Variants in KAT6A observed in about 807,000 individuals in gnomAD.
KAT6A encodes the protein histone acetyltransferase KAT6A.
KAT6A carries 9 observed loss-of-function variants against 198.4 expected under a neutral mutation model. That is an observed-to-expected ratio of 0.05 (90% CI 0.03 to 0.08). KAT6A has a LOEUF of 0.08. Among genes scored for constraint, KAT6A ranks in the 10% least tolerant of loss-of-function variants. The pLI is 1.00. For synonymous variants in KAT6A, 890 were observed against 883.0 expected, an observed-to-expected ratio of 1.01 and a Z score of -0.14; for missense variants, 2,077 against 2,509.9, an observed-to-expected ratio of 0.83 and a Z score of 3.69.
chr8:42,041,500 G>A (rs1655848691), intron 2 of KAT6A, among the ~76,000 whole-genome samples: 1 of 152,244 alleles, frequency 6.6e-6, no homozygotes, highest in Admixed American at 6.5e-5. Flanking sequence ...ACTTTGGGAG[G>A]CGGAGGTGGG....
chr8:41,994,785 CG>C (rs1483504481), intron 2 of KAT6A, among the ~76,000 whole-genome samples: 1 of 152,026 alleles, frequency 6.6e-6, no homozygotes, highest in Non-Finnish European at 1.5e-5. Context: ...AGGCTGGGCA[CG>C]GTGGCTCACA....
At chr8:41,957,168 C>T in intron 8 of KAT6A, 2 of 594,694 alleles carry the variant, frequency 3.4e-6, no homozygotes, top group South Asian at 2.8e-5. Context: ...CACATCACCA[C>T]AACTGCGCAC....
chr8:42,001,255 T>C (rs191595938), intron 2 of KAT6A, among the ~76,000 whole-genome samples: 27 of 152,308 alleles, frequency 1.8e-4, no homozygotes, highest in Admixed American at 2.6e-4. Flanking sequence ...GGGGAAAAGA[T>C]AGACAAAAAT....
chr8:41,996,583 A>G (rs10958705), intron 2 of KAT6A, among the ~76,000 whole-genome samples: 105,320 of 152,048 alleles, frequency 0.69, 37,138 homozygotes, highest in African/African-American at 0.84. Flanking sequence ...TGAGGGCTCC[A>G]CCCTCATGAC....
chr8:42,048,301 A>G (rs1802417041), intron 2 of KAT6A, 77 bp downstream of exon 2: 2 of 1,518,672 alleles, frequency 1.3e-6, no homozygotes, highest in Non-Finnish European at 8.9e-7. Flanking sequence ...AAACTTGAAT[A>G]TAACTTCCCA....
At chr8:41,944,084 A>G in intron 12 of KAT6A, 105 bp from the exon 13 acceptor site, 1 of 712,918 alleles carries the variant, frequency 1.4e-6, no homozygotes, top group Non-Finnish European at 2.3e-6. Flanking sequence ...ATAACTCCAA[A>G]GGTAAATTCC....
chr8:42,007,395 A>T (rs1043549154), intron 2 of KAT6A, among the ~76,000 whole-genome samples: 1 of 152,220 alleles, frequency 6.6e-6, no homozygotes, highest in Non-Finnish European at 1.5e-5. Context: ...AGTCTCTTTC[A>T]GTTCTTAATT....
rs778510932 is a variant in KAT6A, at chr8:42,048,974, C to G, written c.4G>C (p.Val2Leu). M[V>L]KLANPLYTEW... ...GTATAAAGCGGGTTTGCGAGTTTTA[C>G]CATGGTGAAGGATTCTGTATATCCA... Residue 2 changes from valine (V) to leucine (L), a missense_variant, in exon 2 of 17, where the codon GTA (valine) becomes CTA (leucine). Around this residue, in one of 13 missense-constraint regions of KAT6A, gnomAD observed 35 missense variants for 76.6 expected, o/e 0.46. Transcript: ENST00000265713. 7 of 1,611,344 alleles carry G rather than the reference C, an allele frequency of 4.3e-6. No homozygotes were observed. The highest frequency in any genetic ancestry group is 5.9e-6 in the Non-Finnish European group (7 of 1,179,176).
chr8:42,013,040 T>C (rs1203299139), intron 2 of KAT6A, among the ~76,000 whole-genome samples: 5 of 151,492 alleles, frequency 3.3e-5, no homozygotes, highest in East Asian at 1.9e-4. Context: ...TTTGCCAGGG[T>C]TGGGGGAGGG....
intron 2 of KAT6A, among the ~76,000 whole-genome samples, chr8:41,988,871 T>G (rs1824762468): frequency 6.6e-6 from 1 of 152,214 alleles, no homozygotes; most frequent in African/African-American, 2.4e-5. Context: ...TGCTAGGCAC[T>G]GTGCAGGATG....
At chr8:42,037,889 CATAAAGACCA>C (rs1460852902) in intron 2 of KAT6A, among the ~76,000 whole-genome samples, 2 of 152,064 alleles carry the variant, frequency 1.3e-5, no homozygotes, top group South Asian at 2.1e-4. Context: ...AAGTGTTAGT[CATAAAGACCA>C]ATAAAGACAA....
At chr8:41,955,209 G>A in intron 9 of KAT6A, 87 bp downstream of exon 9, 1 of 827,256 alleles carries the variant, frequency 1.2e-6, no homozygotes, top group Non-Finnish European at 2.1e-6. Flanking sequence ...TAAAGGATAA[G>A]GTGGACTCAA....
In KAT6A at chr8:42,034,683, C is replaced by T. The variant is rs574568915; in HGVS notation, c.600+13695G>A. On this transcript the variant is annotated intron_variant, in intron 2 of 16. Transcript: ENST00000265713. The stretch of plus-strand genomic sequence containing the variant: ...TTATAACTAAATAAAATTTAAAATT[C>T]AGCTCCTCACTCAACTGGCCATATT... Among the ~76,000 whole-genome samples, 3 of 152,240 alleles carry T rather than the reference C, an allele frequency of 2.0e-5. No homozygotes were observed. In the South Asian group the frequency reaches 6.2e-4, roughly 32 times the overall value.
chr8:42,007,549 A>G (rs545449564), intron 2 of KAT6A, among the ~76,000 whole-genome samples: 25 of 152,332 alleles, frequency 1.6e-4, no homozygotes, highest in African/African-American at 6.0e-4. Context: ...ACTGAGTTCT[A>G]TAAGGCACTA....
At chr8:41,951,093 A>G (rs1822648089) in intron 9 of KAT6A, among the ~76,000 whole-genome samples, 2 of 152,066 alleles carry the variant, frequency 1.3e-5, no homozygotes, top group African/African-American at 4.8e-5. Context: ...GAAAATTACT[A>G]TCAAGTCTTC....
At chr8:42,035,286 T>C (rs1019817818) in intron 2 of KAT6A, among the ~76,000 whole-genome samples, 2 of 152,124 alleles carry the variant, frequency 1.3e-5, no homozygotes, top group Non-Finnish European at 2.9e-5. Flanking sequence ...CTGTAAGAAA[T>C]GACAGCCGGT....
intron 3 of KAT6A, among the ~76,000 whole-genome samples, chr8:41,986,379 T>G (rs796932927): frequency 2.0e-5 from 3 of 152,332 alleles, no homozygotes; most frequent in African/African-American, 7.2e-5. Context: ...CAATGTGACA[T>G]ATGTAAGTTT....
chr8:42,036,611 T>G lies in KAT6A; in HGVS notation c.600+11767A>C, dbSNP rs796220245. On this transcript the variant is annotated intron_variant, in intron 2 of 16. Coordinates refer to ENST00000265713, the MANE Select transcript of KAT6A (RefSeq NM_006766.5). Reference sequence around the variant, plus strand: ...CTGGGTGACAGAGCAAGACTCCAACTCAAAAAAAAAAGGAGAAGGTGGTAA... The same window carrying G: ...CTGGGTGACAGAGCAAGACTCCAACGCAAAAAAAAAAGGAGAAGGTGGTAA... Among the ~76,000 whole-genome samples, 17 of 149,924 alleles carry G rather than the reference T, an allele frequency of 1.1e-4. No homozygotes were observed. The East Asian group carries it at 1.4e-3, about 12-fold the overall frequency.
chr8:41,943,926 A>T lies in KAT6A; in HGVS notation c.2050T>A (p.Ser684Thr). The T allele has an allele frequency of 6.2e-7, 1 of 1,614,100 alleles. No individual in the cohort carries two copies. Among genetic ancestry groups the T allele is most frequent in the African/African-American group, 1.3e-5 (1 of 75,010 alleles). The stretch of plus-strand genomic sequence containing the variant: ...ATGTAGGAAAGACGACCCAGATCAG[A>T]TAACGGTTTCTCTGGAGACCCTGCT... ...GQAGSPEKPL[S>T]DLGRLSYMAY... Residue 684 changes from serine (S) to threonine (T), a missense_variant, in exon 13 of 17, where the codon TCT (serine) becomes ACT (threonine). Physicochemically the swap from Ser to Thr is moderately conservative, Grantham distance 58. Coordinates refer to ENST00000265713, the MANE Select transcript of KAT6A (RefSeq NM_006766.5).
Sources: allele counts gnomAD v4.1 joint callset (sites outside exome capture counted in the v4.1 genomes callset), GRCh38; gene constraint gnomAD v4.1.1; regional missense constraint gnomAD v4.1.1; transcripts MANE v1.5; gene names NCBI Gene and HGNC (gene_info 2026-07-23, HGNC 2026-07-21).